SHQ1: variants seen among roughly 807,000 people sequenced by gnomAD.
The protein encoded by SHQ1 is protein SHQ1 homolog.
Under a neutral mutation model 53.8 loss-of-function variants are expected in SHQ1, and 49 were observed. The observed-to-expected ratio is 0.91, with a 90% CI of 0.72 to 1.16. The LOEUF (loss-of-function observed/expected upper bound fraction) is 1.16, where lower values mean the gene tolerates loss of function less well. SHQ1 is among the 50% of genes most tolerant of loss of function. The pLI, the probability that SHQ1 is intolerant of heterozygous loss-of-function variation, is 0.00. For missense variants in SHQ1, 738 were observed against 683.1 expected (o/e 1.08, Z -0.90); for synonymous variants, 243 against 251.0 (o/e 0.97, Z 0.30).
intron 1 of SHQ1, among the ~76,000 whole-genome samples, chr3:72,847,822 C>A (rs1341222406): frequency 6.6e-6 from 1 of 152,032 alleles, no homozygotes; most frequent in Admixed American, 6.6e-5. Flanking sequence ...GATGTCAGCG[C>A]GCGCCGTTCC....
At chr3:72,836,146 G>A (rs1707983845) in intron 4 of SHQ1, among the ~76,000 whole-genome samples, 1 of 152,172 alleles carries the variant, frequency 6.6e-6, no homozygotes, top group Admixed American at 6.5e-5. Context: ...TAAACACACA[G>A]CACACAGACC....
At chr3:72,812,121 C>G (rs1707142302) in intron 9 of SHQ1, among the ~76,000 whole-genome samples, 1 of 152,228 alleles carries the variant, frequency 6.6e-6, no homozygotes, top group South Asian at 2.1e-4. Flanking sequence ...TTGAATTTAG[C>G]AAGTCAAAAG....
chr3:72,841,352 C>CAA (rs751315965), intron 3 of SHQ1, among the ~76,000 whole-genome samples, 153 bp from the exon 4 acceptor site: 1 of 120,006 alleles, frequency 8.3e-6, no homozygotes, highest in East Asian at 2.4e-4. Context: ...TTCGTGACAG[C>CAA]AAAAAAAAAA....
At chr3:72,781,259 T>C (rs928702441) in intron 10 of SHQ1, among the ~76,000 whole-genome samples, 1 of 152,074 alleles carries the variant, frequency 6.6e-6, no homozygotes, top group Non-Finnish European at 1.5e-5. Flanking sequence ...TTTCACCATG[T>C]TGACCAGGCT....
At chr3:72,804,962 G>T (rs186106730) in intron 9 of SHQ1, among the ~76,000 whole-genome samples, 6 of 152,342 alleles carry the variant, frequency 3.9e-5, no homozygotes, top group Non-Finnish European at 2.9e-5. Flanking sequence ...ATTCTGTCAT[G>T]TGAACGTCAC....
At chr3:72,746,458 T>C (rs560590928), downstream of SHQ1, among the ~76,000 whole-genome samples, 3 of 152,252 alleles carry the variant, frequency 2.0e-5, no homozygotes, top group East Asian at 1.9e-4. Context: ...TGAGCTAGTG[T>C]AGTATAGTGT....
intron 10 of SHQ1, chr3:72,773,344 C>G (rs1705893632): frequency 1.8e-6 from 1 of 564,458 alleles, no homozygotes; most frequent in South Asian, 1.5e-5. Flanking sequence ...TGAGTATACT[C>G]CAACAAGGAA....
At chr3:72,797,626 A>C (rs1170107717) in intron 9 of SHQ1, among the ~76,000 whole-genome samples, 2 of 152,262 alleles carry the variant, frequency 1.3e-5, no homozygotes. Context: ...GCAGTTTTGA[A>C]AGGGAAAGTT....
At chr3:72,764,052 A>C (rs1339421029) in intron 10 of SHQ1, among the ~76,000 whole-genome samples, 4 of 151,968 alleles carry the variant, frequency 2.6e-5, no homozygotes, top group Non-Finnish European at 5.9e-5. Flanking sequence ...ACAGCAAGGC[A>C]CAGAAAAGTT....
chr3:72,778,260 A>C lies in SHQ1; in HGVS notation c.1181+14656T>G, dbSNP rs113436770. On this transcript the variant is annotated intron_variant, in intron 10 of 10. Transcript: ENST00000325599. Reference sequence around the variant, plus strand: ...AGGATCATTTGAGCCCAGTTGTTCAACCAGCCTGGGGTAACAAAGCAAGAC... The same window carrying C: ...AGGATCATTTGAGCCCAGTTGTTCACCCAGCCTGGGGTAACAAAGCAAGAC... 2.7e-3 allele frequency among the ~76,000 whole-genome samples: 413 copies of C among 152,094 alleles called. 3 individuals are homozygous for C. The highest frequency in any genetic ancestry group is 9.6e-3 in the African/African-American group (400 of 41,470).
intron 10 of SHQ1, among the ~76,000 whole-genome samples, chr3:72,781,207 G>A (rs143898640): frequency 0.028 from 4,177 of 151,848 alleles, 183 homozygotes; most frequent in African/African-American, 0.093. Context: ...TTACAGGCAC[G>A]TGCCACCATG....
At chr3:72,752,004 A>C (rs1559657679) in intron 10 of SHQ1, among the ~76,000 whole-genome samples, 1 of 152,208 alleles carries the variant, frequency 6.6e-6, no homozygotes, top group Non-Finnish European at 1.5e-5. Context: ...GTCATGTATG[A>C]CATAGGTCTG....
At chr3:72,829,948 G>T (rs17010204) in intron 5 of SHQ1, among the ~76,000 whole-genome samples, 2 of 151,890 alleles carry the variant, frequency 1.3e-5, no homozygotes, top group Non-Finnish European at 2.9e-5. Flanking sequence ...ATAATAAGCA[G>T]TGAGGAATGA....
intron 10 of SHQ1, among the ~76,000 whole-genome samples, chr3:72,764,010 G>GA (rs77924186): frequency 2.1e-3 from 299 of 140,390 alleles, no homozygotes; most frequent in South Asian, 7.5e-3. Context: ...TTTACAAATG[G>GA]AAAAAAAAAA....
chr3:72,793,123 T>C, intron 9 of SHQ1, 87 bp from the exon 10 acceptor site: 1 of 1,191,484 alleles, frequency 8.4e-7, no homozygotes, highest in Non-Finnish European at 1.2e-6. Flanking sequence ...CAGCTCAGAA[T>C]CCTGATCATT....
At chr3:72,738,760 A>T in the SHQ1 span, among the ~76,000 whole-genome samples, 1 of 152,306 alleles carries the variant, frequency 6.6e-6, no homozygotes, top group South Asian at 2.1e-4. Context: ...ACAGCCCCTC[A>T]GTCGACTGTG....
chr3:72,826,108 A>T (rs1707645869), intron 5 of SHQ1, among the ~76,000 whole-genome samples: 1 of 152,164 alleles, frequency 6.6e-6, no homozygotes, highest in South Asian at 2.1e-4. Flanking sequence ...CTTACTTCAG[A>T]CTCCAAGCTC....
chr3:72,743,739 G>A, the SHQ1 span, among the ~76,000 whole-genome samples: 2 of 152,190 alleles, frequency 1.3e-5, no homozygotes, highest in Admixed American at 6.5e-5. Context: ...TGGACAGAAC[G>A]TTGTGTGGGA....
intron 10 of SHQ1, among the ~76,000 whole-genome samples, chr3:72,765,389 A>G (rs1705697789): frequency 6.7e-6 from 1 of 148,562 alleles, no homozygotes; most frequent in Non-Finnish European, 1.5e-5. Context: ...TCCAGACTGC[A>G]CTGAAACAGT....
Sources: allele counts gnomAD v4.1 joint callset (sites outside exome capture counted in the v4.1 genomes callset), GRCh38; gene constraint gnomAD v4.1.1; transcripts MANE v1.5; gene names NCBI Gene and HGNC (gene_info 2026-07-23, HGNC 2026-07-21).